LMNTD1: variants seen among roughly 807,000 people sequenced by gnomAD.
The protein encoded by LMNTD1 is lamin tail domain containing 1, also known as lamin tail domain-containing protein 1.
In LMNTD1, 35 loss-of-function variants were observed where a neutral mutation model predicts 50.9. The observed-to-expected ratio is 0.69, with a 90% confidence interval of 0.53 to 0.91. LMNTD1 has a LOEUF of 0.91. Ranked by LOEUF, LMNTD1 falls within the 40% of genes least tolerant of loss-of-function variation. LMNTD1 has a pLI of 0.00. For missense variants in LMNTD1, 470 were observed against 475.5 expected, an observed-to-expected ratio of 0.99 and a Z score of 0.11; for synonymous variants, 153 against 161.9, an observed-to-expected ratio of 0.94 and a Z score of 0.42.
Position 25,552,991 on chromosome 12 carries a change from T to A in LMNTD1, c.-30-2A>T. 1 of 1,610,496 alleles carries A rather than the reference T, an allele frequency of 6.2e-7. No individual in the cohort carries two copies. The highest frequency in any genetic ancestry group is 8.5e-7 in the Non-Finnish European group (1 of 1,177,268). ...TAGAAAAGAAGTCTCTTTTCTTTCC[T>A]AGGAAAGCAGATCATGACATCAGAT... On this transcript the variant is annotated splice_acceptor_variant, in intron 1 of 9. Coordinates refer to ENST00000458174, the MANE Select transcript of LMNTD1 (RefSeq NM_001145728.2). LOFTEE classifies it low-confidence loss of function (5UTR_SPLICE).
chr12:25,563,592 A>C (rs1451895451), intron 1 of LMNTD1, among the ~76,000 whole-genome samples: 1 of 152,220 alleles, frequency 6.6e-6, no homozygotes, highest in Non-Finnish European at 1.5e-5. Flanking sequence ...CTCAGGGGTC[A>C]GGGACCCACT....
At chr12:25,595,369 T>G (rs1945821061) in intron 1 of LMNTD1, among the ~76,000 whole-genome samples, 1 of 152,146 alleles carries the variant, frequency 6.6e-6, no homozygotes, top group African/African-American at 2.4e-5. Context: ...ATTAAAATTA[T>G]ATCAAGCACT....
At chr12:25,532,491 T>G (rs1942294432) in intron 4 of LMNTD1, among the ~76,000 whole-genome samples, 2 of 152,134 alleles carry the variant, frequency 1.3e-5, no homozygotes, top group Admixed American at 1.3e-4. Flanking sequence ...GTCTCTTAGT[T>G]GCGGCTTTCA....
At chr12:25,622,087 A>C (rs1436179538) in intron 1 of LMNTD1, among the ~76,000 whole-genome samples, 1 of 152,214 alleles carries the variant, frequency 6.6e-6, no homozygotes, top group African/African-American at 2.4e-5. Flanking sequence ...CAAATGCTGG[A>C]TATGAAAGAA....
At chr12:25,645,645 G>A (rs1455571737) in intron 1 of LMNTD1, among the ~76,000 whole-genome samples, 2 of 152,144 alleles carry the variant, frequency 1.3e-5, no homozygotes, top group South Asian at 2.1e-4. Context: ...AGATCTGAGC[G>A]ATACAGCAAC....
intron 1 of LMNTD1, among the ~76,000 whole-genome samples, chr12:25,588,085 G>C (rs1027909171): frequency 6.6e-6 from 1 of 152,076 alleles, no homozygotes; most frequent in African/African-American, 2.4e-5. Flanking sequence ...GAAAATAAAA[G>C]AACTGGCCAT....
intron 1 of LMNTD1, among the ~76,000 whole-genome samples, chr12:25,595,799 G>T (rs778780696): frequency 5.3e-5 from 8 of 151,980 alleles, no homozygotes; most frequent in Non-Finnish European, 8.8e-5. Context: ...GAAACAAAAA[G>T]CTGGTTTTTT....
At chr12:25,543,517 A>G (rs1300287221) in intron 4 of LMNTD1, among the ~76,000 whole-genome samples, 1 of 151,982 alleles carries the variant, frequency 6.6e-6, no homozygotes, top group Non-Finnish European at 1.5e-5. Flanking sequence ...ATTTGATACA[A>G]TCCAACACCA....
At chr12:25,527,014 C>T (rs2136087664) in intron 4 of LMNTD1, 59 bp from the exon 5 acceptor site, 4 of 1,213,690 alleles carry the variant, frequency 3.3e-6, no homozygotes, top group Non-Finnish European at 3.4e-6. Context: ...CTTTGACTCA[C>T]TTTAAGAAGT....
intron 1 of LMNTD1, among the ~76,000 whole-genome samples, chr12:25,598,341 G>A (rs1945884914): frequency 6.6e-6 from 1 of 151,880 alleles, no homozygotes; most frequent in African/African-American, 2.4e-5. Flanking sequence ...AAAACCTATG[G>A]AATATAGCAA....
chr12:25,576,093 A>T (rs1044008786), intron 1 of LMNTD1, among the ~76,000 whole-genome samples: 34 of 152,320 alleles, frequency 2.2e-4, no homozygotes, highest in Admixed American at 5.9e-4. Flanking sequence ...TCTATCATTG[A>T]CGGACATTTG....
At chr12:25,569,624 C>A (rs2136345357) in intron 1 of LMNTD1, among the ~76,000 whole-genome samples, 2 of 152,298 alleles carry the variant, frequency 1.3e-5, no homozygotes, top group East Asian at 3.9e-4. Context: ...GACTGGATCA[C>A]AAAGACAGAT....
chr12:25,506,145 A>T (rs1032707211), intron 8 of LMNTD1, among the ~76,000 whole-genome samples: 1 of 152,254 alleles, frequency 6.6e-6, no homozygotes, highest in Non-Finnish European at 1.5e-5. Flanking sequence ...TTCTATAGAT[A>T]TGATCTTAAT....
At chr12:25,553,405 A>G (rs529645143), upstream of LMNTD1, 13 of 394,892 alleles carry the variant, frequency 3.3e-5, no homozygotes, top group African/African-American at 1.3e-4. Context: ...GTTTGCAGAC[A>G]TTAAATAAAG....
chr12:25,476,128 G>A lies in LMNTD1; in HGVS notation c.*355C>T, dbSNP rs111769804. ...GTCAATGTAAAATGGTTAAACAATTGCACGTGCTCTTCTTTTGTGAGTTCT... is the reference window on the plus strand; with the variant it reads ...GTCAATGTAAAATGGTTAAACAATTACACGTGCTCTTCTTTTGTGAGTTCT... On this transcript the variant is annotated 3_prime_UTR_variant, in exon 10 of 10. Coordinates refer to ENST00000458174, the MANE Select transcript of LMNTD1 (RefSeq NM_001145728.2). 1.3e-4 allele frequency: 20 copies of A among 152,190 alleles called. No individual in the cohort carries two copies. The highest frequency in any genetic ancestry group is 3.9e-4 in the African/African-American group (16 of 41,448). The allele number at this position is 152,190 out of a possible 1,614,324, so 9.4% of individuals were successfully genotyped here.
chr12:25,557,078 A>T (rs1944072562), upstream of LMNTD1, among the ~76,000 whole-genome samples: 1 of 152,230 alleles, frequency 6.6e-6, no homozygotes, highest in South Asian at 2.1e-4. Flanking sequence ...AGTTTGGAAT[A>T]CAATTGTAGG....
intron 4 of LMNTD1, 128 bp downstream of exon 4, chr12:25,546,246 A>G: frequency 2.2e-6 from 1 of 456,952 alleles, no homozygotes; most frequent in Non-Finnish European, 3.7e-6. Flanking sequence ...AAACAGTTAT[A>G]TTTCAATGAA....
At chr12:25,498,014 G>T (rs1449648300) in intron 9 of LMNTD1, among the ~76,000 whole-genome samples, 1 of 152,096 alleles carries the variant, frequency 6.6e-6, no homozygotes. Context: ...CTCCAAGAAA[G>T]TATGCACCAT....
At chr12:25,554,245 T>C (rs1044219357), upstream of LMNTD1, among the ~76,000 whole-genome samples, 2 of 152,258 alleles carry the variant, frequency 1.3e-5, no homozygotes, top group Admixed American at 6.5e-5. Flanking sequence ...TCTCCCAGTC[T>C]CCCTACCTGT....
Sources: gnomAD v4.1 joint callset for allele counts (sites outside exome capture counted in the v4.1 genomes callset) on GRCh38, gnomAD v4.1.1 for gene constraint, MANE v1.5 for transcripts, NCBI Gene and HGNC (gene_info 2026-07-23, HGNC 2026-07-21) for gene names.